The following CEMIP variants were observed in gnomAD, a reference collection of about 807,000 sequenced individuals.
CEMIP encodes the protein cell migration inducing hyaluronidase 1.
In CEMIP, 105 loss-of-function variants were observed where a neutral mutation model predicts 156.9. That is an observed-to-expected ratio of 0.67 (90% CI 0.57 to 0.79). The LOEUF (loss-of-function observed/expected upper bound fraction) is 0.79. Ranked by LOEUF, CEMIP falls within the 30% of genes least tolerant of loss-of-function variation. The pLI, the probability that CEMIP is intolerant of heterozygous loss-of-function variation, is 0.00. For synonymous variants in CEMIP, 676 were observed against 668.4 expected, an observed-to-expected ratio of 1.01 and a Z score of -0.17; for missense variants, 1,457 against 1,769.4, an observed-to-expected ratio of 0.82 and a Z score of 3.17.
At chr15:80,833,648 A>AG (rs1198248018) in intron 1 of CEMIP, among the ~76,000 whole-genome samples, 1 of 149,266 alleles carries the variant, frequency 6.7e-6, no homozygotes, top group African/African-American at 2.5e-5. Flanking sequence ...TTGTAGTAGG[A>AG]GCAGCAGTAC....
At chr15:80,882,844 A>ACC (rs1898710427) in intron 6 of CEMIP, among the ~76,000 whole-genome samples, 1 of 152,204 alleles carries the variant, frequency 6.6e-6, no homozygotes, top group Non-Finnish European at 1.5e-5. Context: ...AGAAGCAGGA[A>ACC]CTTAGGTCAG....
chr15:80,938,586 CAGAG>C (rs1183681154), intron 25 of CEMIP, among the ~76,000 whole-genome samples: 1 of 152,060 alleles, frequency 6.6e-6, no homozygotes, highest in African/African-American at 2.4e-5. Flanking sequence ...GCCTGGGTGA[CAGAG>C]AGAGTGAGAG....
chr15:80,838,594 T>A (rs986881449), intron 1 of CEMIP, among the ~76,000 whole-genome samples: 2 of 152,066 alleles, frequency 1.3e-5, no homozygotes, highest in Admixed American at 1.3e-4. Flanking sequence ...CTTTCCTCTA[T>A]GTTGTTCTAC....
intron 25 of CEMIP, among the ~76,000 whole-genome samples, chr15:80,940,571 C>T (rs925270928): frequency 1.3e-5 from 2 of 152,226 alleles, no homozygotes; most frequent in Non-Finnish European, 2.9e-5. Flanking sequence ...TATGGCTGCT[C>T]TGCTCTCAGC....
At chr15:80,783,873 C>T (rs1289906126) in intron 1 of CEMIP, among the ~76,000 whole-genome samples, 1 of 152,184 alleles carries the variant, frequency 6.6e-6, no homozygotes, top group Non-Finnish European at 1.5e-5. Flanking sequence ...TGCTTAGTTC[C>T]CTTGGTGTTA....
At chr15:80,929,480 T>G (rs995321921) in intron 21 of CEMIP, among the ~76,000 whole-genome samples, 1 of 152,212 alleles carries the variant, frequency 6.6e-6, no homozygotes, top group Non-Finnish European at 1.5e-5. Context: ...AGTCCTTTTC[T>G]CTGACAGCAC....
intron 1 of CEMIP, among the ~76,000 whole-genome samples, chr15:80,798,284 A>G (rs1367400444): frequency 2.0e-5 from 3 of 152,212 alleles, no homozygotes; most frequent in African/African-American, 7.2e-5. Context: ...CACATCTTAA[A>G]GTTTATTCAT....
rs71455356 is a variant in CEMIP at position 80,839,289 on chromosome 15, A to ATGTGTGTGTGTGTGTGTGTGT, written c.-175-34249_-175-34248insTGTGTGTGTGTGTGTGTGTGT. ...TGAAGGCTGTGGAGTCAAGGCCGTG[A>ATGTGTGTGTGTGTGTGTGTGT]GTGTGTGTGTGTGTGTGTGTGTGTG... On this transcript the variant is annotated intron_variant, in intron 1 of 29. Coordinates refer to ENST00000394685, the MANE Select transcript of CEMIP (RefSeq NM_001293298.2). Among the ~76,000 whole-genome samples, 837 of 131,170 alleles carry ATGTGTGTGTGTGTGTGTGTGT rather than the reference A, an allele frequency of 6.4e-3. 23 individuals carry two copies. The highest frequency in any genetic ancestry group is 0.025 in the African/African-American group (804 of 32,650). 86.1% of individuals were successfully genotyped at this position (131,170 alleles called of 152,430 possible). A position where few individuals can be genotyped will look rare whatever the true frequency, so the allele number is the denominator to read the frequency against.
intron 14 of CEMIP, chr15:80,909,819 G>A: frequency 2.8e-6 from 1 of 353,402 alleles, no homozygotes; most frequent in South Asian, 2.2e-5. Context: ...GATTTCCACA[G>A]ATAATTTTCG....
In CEMIP at chr15:80,941,961, G is replaced by C. The variant is rs140378351; in HGVS notation, c.3520G>C (p.Val1174Leu). 14 of 1,613,862 alleles carry C rather than the reference G, an allele frequency of 8.7e-6. No individual in the cohort carries two copies. In the African/African-American group the frequency reaches 1.2e-4, roughly 14 times the overall value. ...IKALIPKNAGVSDCTATAYPK... is the reference protein window; with the variant it reads ...IKALIPKNAGLSDCTATAYPK... ...AGCTCTGATTCCAAAGAACGCAGGC[G>C]TCAGTGACTGCACAGCCACAGCTTA... is the stretch of plus-strand genomic sequence containing the variant. The change falls in exon 26 of 30, where the codon GTC becomes CTC. Residue 1174 changes from valine (V) to leucine (L), a missense_variant. By Grantham distance (32) the Val-to-Leu change is conservative. Coordinates refer to ENST00000394685, the MANE Select transcript of CEMIP (RefSeq NM_001293298.2).
chr15:80,934,169 T>C (rs997783779), intron 23 of CEMIP, among the ~76,000 whole-genome samples: 16 of 152,256 alleles, frequency 1.1e-4, no homozygotes, highest in African/African-American at 3.9e-4. Context: ...TTTTTGCATT[T>C]TTATTGCTAT....
intron 1 of CEMIP, among the ~76,000 whole-genome samples, chr15:80,806,651 T>G (rs1003816780): frequency 6.6e-6 from 1 of 152,128 alleles, no homozygotes. Flanking sequence ...GACAGCTGAT[T>G]GAGAGAGTTT....
At chr15:80,948,538 T>C in intron 29 of CEMIP, 1 of 527,504 alleles carries the variant, frequency 1.9e-6, no homozygotes, top group Non-Finnish European at 3.5e-6. Context: ...CTGCTGTGCA[T>C]GGCTCCCCTG....
At chr15:80,789,757 G>A (rs193078148) in intron 1 of CEMIP, among the ~76,000 whole-genome samples, 22 of 152,250 alleles carry the variant, frequency 1.4e-4, no homozygotes, top group African/African-American at 3.6e-4. Context: ...TACAAATGGT[G>A]ACACATTAAC....
intron 14 of CEMIP, among the ~76,000 whole-genome samples, chr15:80,912,706 A>C (rs1416616414): frequency 6.6e-6 from 1 of 152,100 alleles, no homozygotes; most frequent in Non-Finnish European, 1.5e-5. Context: ...ATGGATTGGC[A>C]CCTCACCCTG....
chr15:80,921,269 G>T (rs751448892), intron 16 of CEMIP, among the ~76,000 whole-genome samples, 168 bp downstream of exon 16: 13 of 152,108 alleles, frequency 8.5e-5, no homozygotes, highest in African/African-American at 1.2e-4. Flanking sequence ...GGGGTGGTGG[G>T]GCAGGGGGCG....
intron 1 of CEMIP, among the ~76,000 whole-genome samples, chr15:80,788,177 A>C (rs1895987648): frequency 6.6e-6 from 1 of 152,096 alleles, no homozygotes; most frequent in African/African-American, 2.4e-5. Flanking sequence ...CATTAAAATA[A>C]ATTTTTTTTA....
At chr15:80,844,510 A>C (rs1267462431) in intron 1 of CEMIP, among the ~76,000 whole-genome samples, 1 of 152,086 alleles carries the variant, frequency 6.6e-6, no homozygotes, top group Non-Finnish European at 1.5e-5. Flanking sequence ...CATTGCCTCC[A>C]TGGTAGGACT....
intron 1 of CEMIP, among the ~76,000 whole-genome samples, chr15:80,782,790 T>C (rs978085281): frequency 1.3e-5 from 2 of 152,236 alleles, no homozygotes; most frequent in African/African-American, 4.8e-5. Context: ...AATCTTTCTA[T>C]GAGACTGCTG....
Sources: allele counts gnomAD v4.1 joint callset (sites outside exome capture counted in the v4.1 genomes callset), GRCh38; gene constraint gnomAD v4.1.1; transcripts MANE v1.5; gene names NCBI Gene and HGNC (gene_info 2026-07-23, HGNC 2026-07-21).